RBFOX1: variants seen among roughly 807,000 people sequenced by gnomAD.
The protein encoded by RBFOX1 is RNA binding fox-1 homolog 1.
A neutral mutation model predicts 57.7 loss-of-function variants in RBFOX1; 8 were observed. The observed-to-expected ratio is 0.14, with a 90% confidence interval of 0.08 to 0.25. RBFOX1 has a LOEUF of 0.25. Among genes scored for constraint, RBFOX1 ranks in the 10% least tolerant of loss-of-function variants. The pLI is 1.00. For synonymous variants in RBFOX1, 326 were observed against 222.4 expected (o/e 1.47, Z -4.15); for missense variants, 611 against 548.5 (o/e 1.11, Z -1.14).
intron 4 of RBFOX1, among the ~76,000 whole-genome samples, chr16:7,258,972 T>C (rs916148456): frequency 1.6e-4 from 25 of 152,222 alleles, no homozygotes; most frequent in Non-Finnish European, 3.4e-4. Flanking sequence ...TATGACATAT[T>C]GCATACCTTT....
chr16:7,017,810 C>T (rs1004978021), intron 3 of RBFOX1, among the ~76,000 whole-genome samples: 1 of 152,124 alleles, frequency 6.6e-6, no homozygotes, highest in African/African-American at 2.4e-5. Flanking sequence ...TGTGCTTAAG[C>T]GTTTTCTTCT....
chr16:5,903,349 A>G (rs950434818), intron 4 of RBFOX1, among the ~76,000 whole-genome samples: 5 of 152,120 alleles, frequency 3.3e-5, no homozygotes, highest in Non-Finnish European at 7.3e-5. Flanking sequence ...CTGAGAAGTC[A>G]TGCGTGACTA....
chr16:5,821,733 G>A (rs2055865036), intron 3 of RBFOX1, among the ~76,000 whole-genome samples: 1 of 152,158 alleles, frequency 6.6e-6, no homozygotes, highest in Admixed American at 6.5e-5. Context: ...AGTTCTGGAG[G>A]GTGGGAAGTC....
At chr16:5,255,334 A>ATCCATCCC (rs4047466) in intron 1 of RBFOX1, among the ~76,000 whole-genome samples, 49,779 of 136,934 alleles carry the variant, frequency 0.36, 8,252 homozygotes, top group Non-Finnish European at 0.37. Context: ...CCATCCATCC[A>ATCCATCCC]TCCATCCATC....
intron 3 of RBFOX1, among the ~76,000 whole-genome samples, chr16:6,846,523 C>G (rs946944359): frequency 2.0e-5 from 3 of 152,078 alleles, no homozygotes; most frequent in African/African-American, 4.8e-5. Context: ...GTGTAACATA[C>G]CAGACAGGGG....
In RBFOX1 at chr16:5,591,516, G is replaced by A. The variant is rs141399794; in HGVS notation, c.259-7386G>A. Among the ~76,000 whole-genome samples the A allele has an allele frequency of 5.1e-3, 770 of 152,276 alleles. 6 individuals carry two copies. Among genetic ancestry groups the A allele is most frequent in the Middle Eastern group, 0.01 (3 of 294 alleles). ...TCTGCCTGACTCAGCCTCCCAAAGT[G>A]CTGGGATTACAGGCGTGAGTCACTG... On this transcript the variant is annotated intron_variant, in intron 2 of 2. Coordinates refer to the RBFOX1 transcript ENST00000585867.
At chr16:7,663,803 C>G (rs753467116) in intron 12 of RBFOX1, among the ~76,000 whole-genome samples, 4 of 152,138 alleles carry the variant, frequency 2.6e-5, no homozygotes, top group Admixed American at 6.5e-5. Flanking sequence ...GTGATCCTTA[C>G]AAAAACCTGT....
chr16:6,557,060 T>C (rs1427854452), intron 2 of RBFOX1, among the ~76,000 whole-genome samples: 5 of 144,868 alleles, frequency 3.5e-5, no homozygotes, highest in African/African-American at 1.2e-4. Context: ...TATATACATA[T>C]ATACATACAT....
intron 3 of RBFOX1, among the ~76,000 whole-genome samples, chr16:6,701,203 C>T (rs980500031): frequency 1.3e-5 from 2 of 152,046 alleles, no homozygotes; most frequent in East Asian, 3.9e-4. Context: ...CTACCTCTCT[C>T]AGTCATTGGA....
intron 4 of RBFOX1, among the ~76,000 whole-genome samples, chr16:5,923,184 A>G (rs1367614658): frequency 6.6e-6 from 1 of 152,236 alleles, no homozygotes; most frequent in African/African-American, 2.4e-5. Context: ...ATGTAGTGGT[A>G]ATAGGGTAGT....
chr16:6,638,096 T>C (rs1176416455), intron 2 of RBFOX1, among the ~76,000 whole-genome samples: 1 of 152,178 alleles, frequency 6.6e-6, no homozygotes. Context: ...CTGTGTCATA[T>C]GAATGTTGTA....
rs2271130 is a variant in RBFOX1, at chr16:7,518,196, C to A, written c.77C>A (p.Ala26Asp). Residue 26 changes from alanine (A) to aspartate (D), a missense_variant, in exon 5 of 16, where the codon GCT (alanine) becomes GAT (aspartate). Physicochemically the swap from Ala to Asp is moderately radical, Grantham distance 126 (BLOSUM62 -2). Coordinates refer to ENST00000550418, the MANE Select transcript of RBFOX1 (RefSeq NM_018723.4). ...AAPDTMAQPY[A>D]SAQFAPPQNG... ...CCTGACACAATGGCTCAGCCTTACG[C>A]TTCGGCCCAGTTTGCTCCCCCGCAG... 21 of 1,614,110 alleles carry A rather than the reference C, an allele frequency of 1.3e-5. No homozygotes were observed. The East Asian group carries it at 4.7e-4, about 36-fold the overall frequency.
intron 3 of RBFOX1, among the ~76,000 whole-genome samples, chr16:6,844,369 C>G (rs1895127962): frequency 6.6e-6 from 1 of 152,040 alleles, no homozygotes; most frequent in Non-Finnish European, 1.5e-5. Context: ...TCAGCAGATC[C>G]CCACGCCCAT....
intron 4 of RBFOX1, among the ~76,000 whole-genome samples, chr16:7,082,875 G>A (rs1472403966): frequency 1.3e-5 from 2 of 152,054 alleles, no homozygotes; most frequent in African/African-American, 4.8e-5. Flanking sequence ...ACTGATAACT[G>A]GATTAATTAT....
chr16:7,095,114 T>C (rs1349573607), intron 4 of RBFOX1, among the ~76,000 whole-genome samples: 2 of 152,122 alleles, frequency 1.3e-5, no homozygotes, highest in Non-Finnish European at 2.9e-5. Context: ...CTTTCTTTCT[T>C]TTTTCTTTTT....
chr16:6,381,625 G>A (rs1438868514), intron 2 of RBFOX1, among the ~76,000 whole-genome samples: 1 of 152,140 alleles, frequency 6.6e-6, no homozygotes, highest in Non-Finnish European at 1.5e-5. Context: ...ATCTTCTTGG[G>A]TCATTGAACA....
intron 7 of RBFOX1, among the ~76,000 whole-genome samples, chr16:7,593,231 A>G (rs757949483): frequency 2.0e-5 from 3 of 152,178 alleles, no homozygotes; most frequent in Non-Finnish European, 4.4e-5. Flanking sequence ...CTGGGATTCT[A>G]ATCCAGTGGA....
rs535996332 is a variant in RBFOX1 at position 7,444,559 on chromosome 16, G to T, written c.28-73588G>T. Among the ~76,000 whole-genome samples the T allele has an allele frequency of 3.3e-5, 5 of 152,140 alleles. No homozygotes were observed. The East Asian group carries it at 9.7e-4, about 29-fold the overall frequency. ...GGGTAGCCTTTTTTTTTGAGACAGG[G>T]TTTTGCTGTGTCTCCCAAGCTAGAC... On this transcript the variant is annotated intron_variant, in intron 4 of 15. Coordinates refer to ENST00000550418, the MANE Select transcript of RBFOX1 (RefSeq NM_018723.4).
rs566289325 is a variant in RBFOX1 at position 6,501,621 on chromosome 16, T to C, written c.-63-152982T>C. 4.6e-5 allele frequency among the ~76,000 whole-genome samples: 7 copies of C among 152,272 alleles called. No homozygotes were observed. In the South Asian group the frequency reaches 1.5e-3, roughly 32 times the overall value. On this transcript the variant is annotated intron_variant, in intron 2 of 15. Transcript: ENST00000550418. ...ACATACGTGTGCATGCATGTGTCTT[T>C]ATAGCAGCATGATTTAGAATCCAAA...
Sources: gnomAD v4.1 joint callset for allele counts (sites outside exome capture counted in the v4.1 genomes callset) on GRCh38, gnomAD v4.1.1 for gene constraint, MANE v1.5 for transcripts, NCBI Gene and HGNC (gene_info 2026-07-23, HGNC 2026-07-21) for gene names.